Variants in WDFY3 observed in about 807,000 individuals in gnomAD.
The protein encoded by WDFY3 is WD repeat and FYVE domain-containing protein 3.
Under a neutral mutation model 409.6 loss-of-function variants are expected in WDFY3, and 66 were observed. The ratio of observed to expected loss-of-function variants is 0.16; its 90% CI spans 0.13 to 0.20. The LOEUF (loss-of-function observed/expected upper bound fraction) is 0.20, where lower values mean the gene tolerates loss of function less well. WDFY3 is among the 10% of genes least tolerant of loss of function. The pLI, the probability that WDFY3 is intolerant of heterozygous loss-of-function variation, is 1.00. For missense variants in WDFY3, 3,031 were observed against 4,298.1 expected, an observed-to-expected ratio of 0.71 and a Z score of 8.24; for synonymous variants, 1,521 against 1,537.1, an observed-to-expected ratio of 0.99 and a Z score of 0.25.
chr4:84,895,273 T>C (rs1765484468), intron 3 of WDFY3, among the ~76,000 whole-genome samples: 3 of 152,166 alleles, frequency 2.0e-5, no homozygotes, highest in South Asian at 4.2e-4. Context: ...TGAAAAAACA[T>C]AATAGAAGCA....
In WDFY3 at chr4:84,692,916, G is replaced by A. The variant is rs763423377; in HGVS notation, c.9018C>T (p.Asp3006=). The change falls in exon 59 of 68, where the codon GAC becomes GAT. Residue 3006 remains aspartate, a synonymous_variant. Transcript: ENST00000295888. The part of the protein sequence containing the change: ...TSDKIFFHHL[D]NLRPSLTPVK... ...CAGGTGTTAGAGAAGGCCTCAAGTT[G>A]TCTAGATGATGAAAAAAGATCTTGT... 103 of 1,612,600 alleles carry A rather than the reference G, an allele frequency of 6.4e-5. No individual in the cohort carries two copies. Among genetic ancestry groups the A allele is most frequent in the Admixed American group, 1.0e-4 (6 of 59,590 alleles).
In WDFY3 at chr4:84,794,944, G is replaced by A. The variant is rs773641733; in HGVS notation, c.3203C>T (p.Ala1068Val). ...TGTTGTGACGGTATTATTTGTAGGA[G>A]CATTATGAGGGGCCAAACTGGGCAA... ...LFLPSLAPHN[A>V]PTNNTVTTGL... Residue 1068 changes from alanine (A) to valine (V), a missense_variant, in exon 20 of 68, where the codon GCT becomes GTT. This residue lies in a region of WDFY3 where 1,322 missense variants were observed against 1,697.9 expected (regional missense o/e 0.78). Coordinates refer to ENST00000295888, the MANE Select transcript of WDFY3 (RefSeq NM_014991.6). 3 of 1,573,300 alleles carry A rather than the reference G, an allele frequency of 1.9e-6. No homozygotes were observed. Among genetic ancestry groups the A allele is most frequent in the South Asian group, 2.5e-5 (2 of 81,454 alleles).
intron 1 of WDFY3, among the ~76,000 whole-genome samples, chr4:84,963,994 C>T (rs1217902468): frequency 3.3e-5 from 5 of 152,182 alleles, no homozygotes; most frequent in Admixed American, 6.5e-5. Context: ...TTTTAGCTTT[C>T]CAAATATGGA....
intron 51 of WDFY3, 102 bp from the exon 52 acceptor site, chr4:84,709,449 A>C: frequency 1.0e-6 from 1 of 972,582 alleles, no homozygotes; most frequent in Non-Finnish European, 1.5e-6. Context: ...GGAATTTTTC[A>C]AACTATGGAG....
chr4:84,842,667 A>G (rs1316903054), intron 5 of WDFY3, among the ~76,000 whole-genome samples: 1 of 151,902 alleles, frequency 6.6e-6, no homozygotes, highest in African/African-American at 2.4e-5. Context: ...CTGTAGTCCC[A>G]GCTACTTGGG....
At chr4:84,799,427 C>T (rs572195362) in intron 17 of WDFY3, among the ~76,000 whole-genome samples, 20 of 151,904 alleles carry the variant, frequency 1.3e-4, no homozygotes, top group African/African-American at 4.6e-4. Flanking sequence ...CTGCGTTGGC[C>T]TCCCAAAGTG....
rs186000629 is a variant in WDFY3 at position 84,712,113 on chromosome 4, C to T, written c.8042+1046G>A. 3.4e-4 allele frequency among the ~76,000 whole-genome samples: 52 copies of T among 151,906 alleles called. 1 individual carries two copies. The East Asian group carries it at 9.4e-3, about 27-fold the overall frequency. ...CCAAGATGGGTGGATCACTTGAGGC[C>T]AGGAGTTTGAGACCACCCACGCCAA... On this transcript the variant is annotated intron_variant, in intron 51 of 67. Coordinates refer to ENST00000295888, the MANE Select transcript of WDFY3 (RefSeq NM_014991.6).
At chr4:84,679,761 G>T (rs1727007705) in intron 64 of WDFY3, among the ~76,000 whole-genome samples, 1 of 150,936 alleles carries the variant, frequency 6.6e-6, no homozygotes, top group African/African-American at 2.4e-5. Context: ...TCCTTTAACA[G>T]TTCTGTGCCT....
intron 27 of WDFY3, 84 bp from the exon 28 acceptor site, chr4:84,775,222 G>T: frequency 9.2e-7 from 1 of 1,087,944 alleles, no homozygotes; most frequent in Non-Finnish European, 1.3e-6. Context: ...ACAGCACATG[G>T]AACTTATTTC....
In WDFY3 at chr4:84,685,650, A is replaced by C. The variant is rs141286753; in HGVS notation, c.9544-1525T>G. ...GAGGGCAGAGACATAAGAAGAATTA[A>C]AGGCAAAGTGGCTTTGGCCTGAAGT... On this transcript the variant is annotated intron_variant, in intron 62 of 67. Coordinates refer to ENST00000295888, the MANE Select transcript of WDFY3 (RefSeq NM_014991.6). Among the ~76,000 whole-genome samples, 48 of 152,330 alleles carry C rather than the reference A, an allele frequency of 3.2e-4. 1 individual carries two copies. In the East Asian group the frequency reaches 7.9e-3, roughly 25 times the overall value.
chr4:84,743,263 T>C (rs1264240826), intron 37 of WDFY3, among the ~76,000 whole-genome samples: 1 of 152,134 alleles, frequency 6.6e-6, no homozygotes, highest in Non-Finnish European at 1.5e-5. Flanking sequence ...GATACAGACA[T>C]ACAGAAAAAA....
At chr4:84,739,984 T>C (rs769029174) in intron 39 of WDFY3, among the ~76,000 whole-genome samples, 1 of 151,828 alleles carries the variant, frequency 6.6e-6, no homozygotes, top group Non-Finnish European at 1.5e-5. Flanking sequence ...ATTTTAAAGG[T>C]GTAGAAAACT....
chr4:84,885,780 G>A (rs1764138398), intron 3 of WDFY3, among the ~76,000 whole-genome samples: 1 of 152,132 alleles, frequency 6.6e-6, no homozygotes, highest in South Asian at 2.1e-4. Context: ...TTAGACATGT[G>A]GACAGAAACT....
chr4:84,765,643 T>C (rs1008172365), intron 32 of WDFY3, among the ~76,000 whole-genome samples, 167 bp downstream of exon 32: 1 of 152,216 alleles, frequency 6.6e-6, no homozygotes, highest in African/African-American at 2.4e-5. Flanking sequence ...TGATTTGCCA[T>C]TTAAAAGGAC....
chr4:84,779,624 A>G (rs1001856996), intron 26 of WDFY3, among the ~76,000 whole-genome samples: 2 of 152,114 alleles, frequency 1.3e-5, no homozygotes, highest in African/African-American at 4.8e-5. Flanking sequence ...TACACTTATT[A>G]TGTAGTGGCT....
At chr4:84,919,236 CAATA>C (rs1348835643) in intron 2 of WDFY3, among the ~76,000 whole-genome samples, 1 of 151,952 alleles carries the variant, frequency 6.6e-6, no homozygotes. Context: ...TTCAAATCAA[CAATA>C]AATAAAACAA....
At chr4:84,849,806 G>C in intron 5 of WDFY3, 96 bp downstream of exon 5, 10 of 1,520,300 alleles carry the variant, frequency 6.6e-6, no homozygotes, top group Non-Finnish European at 8.0e-6. Context: ...AATGTGCTGA[G>C]AACAAGGTCT....
chr4:84,702,574 A>T, intron 55 of WDFY3, 68 bp from the exon 56 acceptor site: 1 of 1,374,862 alleles, frequency 7.3e-7, no homozygotes, highest in Non-Finnish European at 9.6e-7. Flanking sequence ...GTCAAGTTCA[A>T]GAGCTTGAAA....
chr4:84,719,958 G>C (rs1296572195), intron 47 of WDFY3, among the ~76,000 whole-genome samples: 1 of 152,172 alleles, frequency 6.6e-6, no homozygotes, highest in South Asian at 2.1e-4. Context: ...CTACTTCTTA[G>C]AGGGTAAGAA....
Sources: gnomAD v4.1 joint callset for allele counts (sites outside exome capture counted in the v4.1 genomes callset) on GRCh38, gnomAD v4.1.1 for gene constraint, gnomAD v4.1.1 regional missense constraint, MANE v1.5 for transcripts, NCBI Gene and HGNC (gene_info 2026-07-23, HGNC 2026-07-21) for gene names.